The following MYSM1 variants were observed in gnomAD, a reference collection of about 807,000 sequenced individuals.
MYSM1 encodes the protein deubiquitinase MYSM1.
A neutral mutation model predicts 116.0 loss-of-function variants in MYSM1; 51 were observed. The ratio of observed to expected loss-of-function variants is 0.44; its 90% CI spans 0.35 to 0.56. The LOEUF is 0.56. MYSM1 is among the 20% of genes least tolerant of loss of function. The pLI is 0.00. For synonymous variants in MYSM1, 313 were observed against 315.2 expected (o/e 0.99, Z 0.07); for missense variants, 900 against 974.9 (o/e 0.92, Z 1.02).
At chr1:58,666,584 T>C (rs1251926840) in intron 16 of MYSM1, among the ~76,000 whole-genome samples, 1 of 150,308 alleles carries the variant, frequency 6.7e-6, no homozygotes, top group Non-Finnish European at 1.5e-5. Context: ...TTCTTTTTTT[T>C]TTTTTTGGCT....
At chr1:58,679,661 G>A (rs1020668941) in intron 8 of MYSM1, among the ~76,000 whole-genome samples, 2 of 152,170 alleles carry the variant, frequency 1.3e-5, no homozygotes, top group African/African-American at 4.8e-5. Flanking sequence ...GTCTTGCTAT[G>A]TTGCCCAAAC....
At chr1:58,677,770 T>G (rs1397788729) in intron 8 of MYSM1, among the ~76,000 whole-genome samples, 1 of 152,174 alleles carries the variant, frequency 6.6e-6, no homozygotes, top group African/African-American at 2.4e-5. Flanking sequence ...GCCAGATTAT[T>G]GTGCTGAGTT....
intron 3 of MYSM1, chr1:58,692,451 G>C (rs1304299704): frequency 6.5e-6 from 1 of 153,954 alleles, no homozygotes; most frequent in Admixed American, 6.5e-5. Flanking sequence ...TTCCTCCCAC[G>C]TAACACCTGT....
At chr1:58,678,280 G>A (rs1044729439) in intron 8 of MYSM1, among the ~76,000 whole-genome samples, 6 of 152,114 alleles carry the variant, frequency 3.9e-5, no homozygotes, top group African/African-American at 1.4e-4. Flanking sequence ...AGATTTCAGT[G>A]TGTCTTGCAA....
At chr1:58,698,084 C>CTATATATATATATATATATATATATATA in intron 1 of MYSM1, among the ~76,000 whole-genome samples, 10 of 31,408 alleles carry the variant, frequency 3.2e-4, no homozygotes, top group African/African-American at 1.1e-3. Context: ...ATTTATCAGA[C>CTATATATATATATATATATATATATATA]TATATATATA....
chr1:58,681,873 T>TTTC lies in MYSM1; in HGVS notation c.1168_1170dup (p.Glu390dup), dbSNP rs747234345. The TTTC allele has an allele frequency of 1.9e-6, 3 of 1,613,688 alleles. No individual in the cohort carries two copies. The highest frequency in any genetic ancestry group is 2.5e-6 in the Non-Finnish European group (3 of 1,179,938). On this transcript the variant is annotated inframe_insertion, in exon 8 of 20. Coordinates refer to ENST00000472487, the MANE Select transcript of MYSM1 (RefSeq NM_001085487.3). ...TCAAAAAACTCAGGAATTGCTTGTTTTTCTTCTTCTTGAATGATATTTCTA... is the reference window on the plus strand; with the variant it reads ...TCAAAAAACTCAGGAATTGCTTGTTTTTCTTCTTCTTCTTGAATGATATTTCTA...
At chr1:58,699,688 C>T (rs753597374) in intron 1 of MYSM1, 1 of 985,272 alleles carries the variant, frequency 1.0e-6, no homozygotes, top group Non-Finnish European at 1.2e-6. Context: ...AAGGAGGGAA[C>T]GGAAGAAGGA....
intron 17 of MYSM1, among the ~76,000 whole-genome samples, chr1:58,662,456 C>CG (rs907278496): frequency 6.1e-5 from 3 of 49,582 alleles, no homozygotes; most frequent in African/African-American, 1.5e-4. Flanking sequence ...CATTATTCAC[C>CG]CCCCCCTTTT....
chr1:58,679,612 C>A (rs1013561127), intron 8 of MYSM1, among the ~76,000 whole-genome samples: 3 of 152,056 alleles, frequency 2.0e-5, no homozygotes, highest in African/African-American at 7.2e-5. Flanking sequence ...GCACACAACA[C>A]CGCGCCTAAG....
In MYSM1 at chr1:58,661,030, T is replaced by C. The variant is rs1417728626; in HGVS notation, c.2328+140A>G. 14 of 641,756 alleles carry C rather than the reference T, an allele frequency of 2.2e-5. No homozygotes were observed. The East Asian group carries it at 3.9e-4, about 18-fold the overall frequency. The allele number at this position is 641,756 out of a possible 1,614,324, so 39.8% of individuals were successfully genotyped here. On this transcript the variant is annotated intron_variant, in intron 19 of 19. Coordinates refer to ENST00000472487, the MANE Select transcript of MYSM1 (RefSeq NM_001085487.3). ...ACGTTACTAATTATCTCCTAGAAATTAATTTTCCAAAGGAAAAAGTAATAA... is the reference window on the plus strand; with the variant it reads ...ACGTTACTAATTATCTCCTAGAAATCAATTTTCCAAAGGAAAAAGTAATAA...
Position 58,681,858 on chromosome 1 carries a change from CAG to C in MYSM1, c.1184_1185del (p.Pro395ArgfsTer4). 1.2e-6 allele frequency: 2 copies of C among 1,612,986 alleles called. No homozygotes were observed. The highest frequency in any genetic ancestry group is 1.7e-6 in the Non-Finnish European group (2 of 1,179,786). ...TTAGCTTGGCGCCCCTCAAAAAACTCAGGAATTGCTTGTTTTTCTTCTTCTTG... is the reference window on the plus strand; with the variant it reads ...TTAGCTTGGCGCCCCTCAAAAAACTCGAATTGCTTGTTTTTCTTCTTCTTG... ...IIQEEEKQAI[P>X]EFFEGRQAKT... On this transcript the variant is annotated frameshift_variant, in exon 8 of 20. Transcript: ENST00000472487. LOFTEE classifies it high-confidence loss of function.
intron 7 of MYSM1, 140 bp from the exon 8 acceptor site, chr1:58,682,685 CT>C (rs1013064809): frequency 3.0e-6 from 1 of 332,404 alleles, no homozygotes; most frequent in Non-Finnish European, 4.5e-6. Flanking sequence ...ATGCGCTTTT[CT>C]TTTTTTTCTT....
intron 11 of MYSM1, 29 bp from the exon 12 acceptor site, chr1:58,671,987 G>A: frequency 6.4e-7 from 1 of 1,552,924 alleles, no homozygotes; most frequent in Non-Finnish European, 8.9e-7. Flanking sequence ...TGATTAAGGA[G>A]TCCATCATCT....
Position 58,660,124 on chromosome 1 carries a change from T to C in MYSM1, c.2360A>G (p.Lys787Arg). The change falls in exon 20 of 20, where the codon AAA becomes AGA. Residue 787 changes from lysine (K) to arginine (R), a missense_variant. Transcript: ENST00000472487. ...TTCAGCCATAAAGCAATTGGTCACT[T>C]TGCTCAGAGTCTTCCTCATACACTC... ...LLECMRKTLS[K>R]VTNCFMAEEF... is the part of the protein sequence containing the mutation. The C allele has an allele frequency of 6.2e-7, 1 of 1,605,930 alleles. No homozygotes were observed. Among genetic ancestry groups the C allele is most frequent in the South Asian group, 1.1e-5 (1 of 89,380 alleles).
intron 7 of MYSM1, among the ~76,000 whole-genome samples, chr1:58,684,506 A>G (rs1169191570): frequency 6.7e-6 from 1 of 149,120 alleles, no homozygotes; most frequent in African/African-American, 2.5e-5. Context: ...CCGAGCTTGC[A>G]GTGAGCCGAG....
intron 2 of MYSM1, 88 bp from the exon 3 acceptor site, chr1:58,693,019 T>G: frequency 9.9e-7 from 1 of 1,013,918 alleles, no homozygotes; most frequent in Non-Finnish European, 1.5e-6. Flanking sequence ...CATGTTATAA[T>G]GATTATAAAT....
intron 8 of MYSM1, 57 bp from the exon 9 acceptor site, chr1:58,677,113 T>A: frequency 6.8e-7 from 1 of 1,478,878 alleles, no homozygotes; most frequent in Non-Finnish European, 9.2e-7. Flanking sequence ...GAAAAAAGAT[T>A]TCTGGGGAAA....
chr1:58,665,152 G>A (rs1191166074), intron 17 of MYSM1, among the ~76,000 whole-genome samples: 3 of 152,002 alleles, frequency 2.0e-5, no homozygotes, highest in African/African-American at 7.3e-5. Context: ...CCATCACAGA[G>A]AAAGCCAGTC....
At position 58,656,718 on chromosome 1, in the gene MYSM1, A is replaced by C. The variant is rs1644323633; in HGVS notation, c.*3279T>G. 1 of 152,258 alleles carries C rather than the reference A, an allele frequency of 6.6e-6. No homozygotes were observed. Among genetic ancestry groups the C allele is most frequent in the Non-Finnish European group, 1.5e-5 (1 of 68,082 alleles). The allele number at this position is 152,258 out of a possible 1,614,324, so 9.4% of individuals were successfully genotyped here. A position where few individuals can be genotyped will look rare whatever the true frequency, so the allele number is the denominator to read the frequency against. On this transcript the variant is annotated 3_prime_UTR_variant, in exon 20 of 20. Coordinates refer to ENST00000472487, the MANE Select transcript of MYSM1 (RefSeq NM_001085487.3). ...CTGTGGTGGTGGGAGAAGGGGACAG[A>C]ATAATGACTGCTATTTTTCCAATGA...
Sources: gnomAD v4.1 joint callset for allele counts (sites outside exome capture counted in the v4.1 genomes callset) on GRCh38, gnomAD v4.1.1 for gene constraint, MANE v1.5 for transcripts, NCBI Gene and HGNC (gene_info 2026-07-23, HGNC 2026-07-21) for gene names.